The following GRM7 variants were observed in gnomAD, a reference collection of about 807,000 sequenced individuals.
The protein encoded by GRM7 is metabotropic glutamate receptor 7.
GRM7 carries 35 observed loss-of-function variants against 84.5 expected under a neutral mutation model. The observed-to-expected ratio is 0.41, with a 90% CI of 0.32 to 0.55. GRM7 has a LOEUF of 0.55. Among genes scored for constraint, GRM7 ranks in the 20% least tolerant of loss-of-function variants. GRM7 has a pLI of 0.19. For synonymous variants in GRM7, 487 were observed against 455.1 expected (o/e 1.07, Z -0.89); for missense variants, 1,003 against 1,194.6 (o/e 0.84, Z 2.36).
At position 6,993,574 on chromosome 3, in the gene GRM7, G is replaced by A. The variant is rs374650800; in HGVS notation, c.519+131667G>A. ...CTTGTACTGTAGTTGGTGATTTAAT[G>A]GTCTTAACTTGAAAAGAAAAGCATA... On this transcript the variant is annotated intron_variant, in intron 1 of 9. Transcript: ENST00000357716. Among the ~76,000 whole-genome samples, 42 of 152,258 alleles carry A rather than the reference G, an allele frequency of 2.8e-4. No individual in the cohort carries two copies. The South Asian group carries it at 8.3e-3, about 30-fold the overall frequency.
intron 1 of GRM7, among the ~76,000 whole-genome samples, chr3:7,107,324 T>G (rs1692691860): frequency 6.6e-6 from 1 of 152,072 alleles, no homozygotes. Context: ...GCTGAGTGGA[T>G]ATTTATGTAA....
intron 1 of GRM7, among the ~76,000 whole-genome samples, chr3:7,112,855 G>T (rs999673275): frequency 1.3e-5 from 2 of 152,122 alleles, no homozygotes; most frequent in African/African-American, 4.8e-5. Flanking sequence ...AGGTGTATTG[G>T]CCACACATCA....
intron 1 of GRM7, among the ~76,000 whole-genome samples, chr3:6,988,266 C>T (rs1694503244): frequency 1.3e-5 from 2 of 150,116 alleles, no homozygotes; most frequent in Non-Finnish European, 3.0e-5. Context: ...GCCTCGGCCT[C>T]CCAAAGTGCT....
intron 4 of GRM7, among the ~76,000 whole-genome samples, chr3:7,340,137 AG>A (rs1701582250): frequency 6.6e-6 from 1 of 152,156 alleles, no homozygotes; most frequent in African/African-American, 2.4e-5. Context: ...TGAAATAATA[AG>A]GTTCTTTTAA....
chr3:7,615,709 GCT>G (rs1460904566), intron 8 of GRM7, among the ~76,000 whole-genome samples: 1 of 151,950 alleles, frequency 6.6e-6, no homozygotes, highest in African/African-American at 2.4e-5. Context: ...TAAGCAGATG[GCT>G]CTTAGGGAAA....
intron 1 of GRM7, among the ~76,000 whole-genome samples, chr3:6,998,023 G>A (rs906848514): frequency 6.8e-6 from 1 of 147,896 alleles, no homozygotes; most frequent in Non-Finnish European, 1.5e-5. Context: ...GGAGGTTGAG[G>A]CAGGAGAATC....
chr3:7,073,478 T>C (rs1443625019), intron 1 of GRM7, among the ~76,000 whole-genome samples: 1 of 152,054 alleles, frequency 6.6e-6, no homozygotes, highest in East Asian at 1.9e-4. Context: ...ATGGTCTGCT[T>C]TATATTTGAA....
Position 7,579,172 on chromosome 3 carries a change from A to G in GRM7, c.2266A>G (p.Ile756Val). ...CAAGTGTGACATTACAGATCTCCAA[A>G]TCATTTGCTCCTTGGGATATAGCAT... ...VLKCDITDLQ[I>V]ICSLGYSILL... The change falls in exon 8 of 10, where the codon ATC becomes GTC. Residue 756 changes from isoleucine (I) to valine (V), a missense_variant. Ile to Val is a conservative substitution (Grantham distance 29). Coordinates refer to ENST00000357716, the MANE Select transcript of GRM7 (RefSeq NM_000844.4). 6.2e-7 allele frequency: 1 copy of G among 1,613,894 alleles called. No individual in the cohort carries two copies. The highest frequency in any genetic ancestry group is 8.5e-7 in the Non-Finnish European group (1 of 1,179,836).
chr3:7,368,493 A>C (rs1694001907), intron 4 of GRM7, among the ~76,000 whole-genome samples: 1 of 152,044 alleles, frequency 6.6e-6, no homozygotes, highest in African/African-American at 2.4e-5. Context: ...TATATAATTC[A>C]TTTTTTTCTA....
chr3:7,305,923 T>G (rs905818846), intron 3 of GRM7, among the ~76,000 whole-genome samples: 3 of 152,174 alleles, frequency 2.0e-5, no homozygotes, highest in African/African-American at 7.2e-5. Context: ...AATAGCTAGT[T>G]CCCTTTTTTC....
intron 9 of GRM7, among the ~76,000 whole-genome samples, chr3:7,724,678 C>T (rs1006809804): frequency 6.6e-6 from 1 of 152,196 alleles, no homozygotes; most frequent in Non-Finnish European, 1.5e-5. Context: ...CAAGTCAGAA[C>T]GTTGAGTTGG....
At chr3:7,326,189 A>AC (rs1700979567) in intron 4 of GRM7, among the ~76,000 whole-genome samples, 1 of 151,888 alleles carries the variant, frequency 6.6e-6, no homozygotes, top group African/African-American at 2.4e-5. Context: ...AAGAAAAAAA[A>AC]ACACATTATT....
chr3:6,963,914 C>G (rs1388208287), intron 1 of GRM7, among the ~76,000 whole-genome samples: 1 of 152,132 alleles, frequency 6.6e-6, no homozygotes, highest in Non-Finnish European at 1.5e-5. Context: ...GTTTTCTCTA[C>G]TTGATAAAAG....
In GRM7 at chr3:7,382,401, G is replaced by T. The variant is rs1031683101; in HGVS notation, c.1034-32622G>T. ...TGATAGAGAAGCTCTTCATCATTGT[G>T]CAGAACAGGGCTGCGATGGTGTGTA... On this transcript the variant is annotated intron_variant, in intron 4 of 9. Transcript: ENST00000357716. 5.3e-5 allele frequency among the ~76,000 whole-genome samples: 8 copies of T among 152,086 alleles called. 1 individual carries two copies. The highest frequency in any genetic ancestry group is 1.2e-4 in the Non-Finnish European group (8 of 68,012).
intron 4 of GRM7, among the ~76,000 whole-genome samples, chr3:7,331,820 T>G (rs1169492293): frequency 2.0e-5 from 3 of 152,206 alleles, no homozygotes; most frequent in Non-Finnish European, 4.4e-5. Flanking sequence ...GCTCTACCAT[T>G]ATTAAAGAAT....
chr3:7,243,099 G>T (rs1039097977), intron 2 of GRM7, among the ~76,000 whole-genome samples: 1 of 152,074 alleles, frequency 6.6e-6, no homozygotes, highest in African/African-American at 2.4e-5. Flanking sequence ...AGACACACTG[G>T]GCTAACATTT....
chr3:7,073,849 T>C (rs1697968358), intron 1 of GRM7, among the ~76,000 whole-genome samples: 2 of 117,400 alleles, frequency 1.7e-5, no homozygotes. Context: ...GCTACCTAAG[T>C]AAGCATCCTG....
chr3:7,015,982 T>A (rs527777341), intron 1 of GRM7, among the ~76,000 whole-genome samples: 277 of 152,284 alleles, frequency 1.8e-3, no homozygotes, highest in Non-Finnish European at 2.8e-3. Flanking sequence ...TCTAAAGGAT[T>A]TTTTGATATA....
intron 1 of GRM7, among the ~76,000 whole-genome samples, chr3:6,975,926 T>C (rs1693974813): frequency 6.6e-6 from 1 of 152,134 alleles, no homozygotes; most frequent in South Asian, 2.1e-4. Context: ...ATTATGAACA[T>C]GTGATCAGAA....
Sources: gnomAD v4.1 joint callset for allele counts (sites outside exome capture counted in the v4.1 genomes callset) on GRCh38, gnomAD v4.1.1 for gene constraint, MANE v1.5 for transcripts, NCBI Gene and HGNC (gene_info 2026-07-23, HGNC 2026-07-21) for gene names.